The following NBPF12 variants were observed in gnomAD, a reference collection of about 807,000 sequenced individuals.
The protein encoded by NBPF12 is NBPF family member NBPF12.
NBPF12 carries 115 observed loss-of-function variants against 146.4 expected under a neutral mutation model. The ratio of observed to expected loss-of-function variants is 0.79; its 90% CI spans 0.68 to 0.92. NBPF12 has a LOEUF of 0.92. NBPF12 is among the 40% of genes least tolerant of loss of function. NBPF12 has a pLI of 0.00. For synonymous variants in NBPF12, 385 were observed against 508.9 expected, an observed-to-expected ratio of 0.76 and a Z score of 3.28; for missense variants, 1,205 against 1,326.8, an observed-to-expected ratio of 0.91 and a Z score of 1.43.
chr1:146,970,956 T>A (rs71241711), intron 12 of NBPF12, among the ~76,000 whole-genome samples: 5 of 149,804 alleles, frequency 3.3e-5, no homozygotes, highest in African/African-American at 1.3e-4. Context: ...CAGCTCCTAT[T>A]TGTCCAGTGC....
intron 19 of NBPF12, among the ~76,000 whole-genome samples, chr1:146,981,151 G>A (rs1274685431): frequency 4.7e-5 from 6 of 126,736 alleles, no homozygotes; most frequent in African/African-American, 8.9e-5. Flanking sequence ...GAGGGAGGAG[G>A]GGTAGCATTA....
chr1:146,963,404 T>A, intron 6 of NBPF12, 95 bp downstream of exon 9: 1 of 1,602,266 alleles, frequency 6.2e-7, no homozygotes, highest in Non-Finnish European at 8.5e-7. Context: ...ATCAGTGGGG[T>A]TTTTTTCTAC....
chr1:146,969,673 A>T (rs1203299668), intron 11 of NBPF12, 77 bp downstream of exon 14: 7 of 1,524,914 alleles, frequency 4.6e-6, no homozygotes, highest in Non-Finnish European at 5.4e-6. Context: ...TTTCACAATG[A>T]CAGTTGTATC....
intron 33 of NBPF12, 89 bp from the exon 37 acceptor site, chr1:146,994,243 C>T: frequency 1.9e-6 from 3 of 1,609,296 alleles, no homozygotes; most frequent in Admixed American, 1.7e-5. Context: ...CTTTTCTAAC[C>T]ACTTCCTTAT....
chr1:146,994,311 T>C (rs1553889976), intron 33 of NBPF12, 21 bp from the exon 37 acceptor site: 1 of 1,611,604 alleles, frequency 6.2e-7, no homozygotes, highest in Non-Finnish European at 8.5e-7. Context: ...GCTGCTTCTT[T>C]AGTTTTGTCT....
At chr1:146,980,332 T>A (rs1657293664) in intron 19 of NBPF12, among the ~76,000 whole-genome samples, 1 of 152,130 alleles carries the variant, frequency 6.6e-6, no homozygotes, top group Non-Finnish European at 1.5e-5. Context: ...TTAATATTGT[T>A]ATGTGTGAAT....
In NBPF12 at chr1:146,961,139, C is replaced by T. The variant is rs1456841824; in HGVS notation, c.175+821C>T. 3.3e-5 allele frequency among the ~76,000 whole-genome samples: 5 copies of T among 151,596 alleles called. No homozygotes were observed. The East Asian group carries it at 5.8e-4, about 18-fold the overall frequency. ...CCAGCATGGGTGACAGGGCAAGACT[C>T]GTCAAAAAACAAACAAACAAAAGGA... On this transcript the variant is annotated intron_variant, in intron 4 of 33. Coordinates refer to ENST00000617844, the Ensembl canonical transcript of NBPF12.
chr1:146,965,035 A>C (rs1656100051), exon 8 of NBPF12: 5 of 1,608,760 alleles, frequency 3.1e-6, no homozygotes, highest in Non-Finnish European at 4.2e-6. Context: ...AGACAAAGTC[A>C]ACTCAACTGT....
chr1:146,994,887 G>A, exon 34 of NBPF12: 3 of 460,948 alleles, frequency 6.5e-6, no homozygotes, highest in South Asian at 6.5e-5. Context: ...TTGCAGGCAT[G>A]TCTCTGAGCT....
intron 31 of NBPF12, among the ~76,000 whole-genome samples, chr1:146,992,430 C>G (rs1658230694): frequency 7.5e-6 from 1 of 132,660 alleles, no homozygotes; most frequent in Non-Finnish European, 1.6e-5. Flanking sequence ...ATTCACTGAG[C>G]TCGTTCTCTC....
intron 6 of NBPF12, 35 bp from the exon 10 acceptor site, chr1:146,964,322 T>A: frequency 6.3e-7 from 1 of 1,599,950 alleles, no homozygotes; most frequent in Non-Finnish European, 8.6e-7. Context: ...GAATGTGAAG[T>A]GGGACATATC....
upstream of NBPF12, among the ~76,000 whole-genome samples, chr1:146,947,942 A>G (rs1655145152): frequency 4.6e-5 from 7 of 152,012 alleles, no homozygotes; most frequent in South Asian, 1.2e-3. Flanking sequence ...AAAATCTGCT[A>G]TTAAAATTGA....
In NBPF12 at chr1:146,963,958, G is replaced by A. The variant is rs1369972654; in HGVS notation, c.494-399G>A. On this transcript the variant is annotated intron_variant, in intron 6 of 33. Transcript: ENST00000617844. ...CTGTGCAGTCTCATGACGAATAGAGGACTGTGGGACAAGTTTGTCCTCTCC... is the reference window on the plus strand; with the variant it reads ...CTGTGCAGTCTCATGACGAATAGAGAACTGTGGGACAAGTTTGTCCTCTCC... 2.4e-4 allele frequency among the ~76,000 whole-genome samples: 31 copies of A among 131,496 alleles called. No homozygotes were observed. The East Asian group carries it at 4.9e-3, about 21-fold the overall frequency. 86.3% of individuals were successfully genotyped at this position (131,496 alleles called of 152,430 possible).
At chr1:146,942,334 A>G (rs1654844994) in intron 1 of NBPF12, among the ~76,000 whole-genome samples, 2 of 149,566 alleles carry the variant, frequency 1.3e-5, no homozygotes, top group African/African-American at 2.5e-5. Context: ...TAAAACAGGT[A>G]CTAAAATTTC....
upstream of NBPF12, among the ~76,000 whole-genome samples, chr1:146,938,363 G>A (rs1263578862): frequency 6.6e-6 from 1 of 152,122 alleles, no homozygotes; most frequent in Non-Finnish European, 1.5e-5. Flanking sequence ...CGCGAAGCCT[G>A]CAGTCCTAAA....
chr1:146,952,846 G>GC (rs1385879526), intron 2 of NBPF12, among the ~76,000 whole-genome samples: 1 of 151,194 alleles, frequency 6.6e-6, no homozygotes, highest in African/African-American at 2.4e-5. Context: ...CCCTGCTCTG[G>GC]CACTGAGTAT....
At chr1:146,965,103 A>T in exon 8 of NBPF12, 1 of 1,574,672 alleles carries the variant, frequency 6.4e-7, no homozygotes, top group African/African-American at 1.4e-5. Context: ...ACATTCTCCC[A>T]GGTAGCCTCT....
chr1:146,992,478 G>C (rs1350917467), intron 31 of NBPF12, among the ~76,000 whole-genome samples: 2 of 112,904 alleles, frequency 1.8e-5, no homozygotes, highest in Non-Finnish European at 3.6e-5. Flanking sequence ...GTGTGTGTGT[G>C]TGTGTGTGTG....
rs1655354118 is a variant in NBPF12 at position 146,952,190 on chromosome 1, A to T, written c.-184+701A>T. Among the ~76,000 whole-genome samples, 3 of 152,114 alleles carry T rather than the reference A, an allele frequency of 2.0e-5. No individual in the cohort carries two copies. The South Asian group carries it at 6.2e-4, about 32-fold the overall frequency. On this transcript the variant is annotated intron_variant, in intron 2 of 33. Transcript: ENST00000617844. ...GAGAAATAAACTCCCATCAGCTTTA[A>T]TTCAGGCAGGTTTATTGAAAAGGTG...
Sources: allele counts gnomAD v4.1 joint callset (sites outside exome capture counted in the v4.1 genomes callset), GRCh38; gene constraint gnomAD v4.1.1; transcripts MANE v1.5; gene names NCBI Gene and HGNC (gene_info 2026-07-23, HGNC 2026-07-21).